Variants in CFTR observed in about 807,000 individuals in gnomAD.
CFTR encodes the protein CF transmembrane conductance regulator, also known as cystic fibrosis transmembrane conductance regulator.
Under a neutral mutation model 171.6 loss-of-function variants are expected in CFTR, and 181 were observed. That is an observed-to-expected ratio of 1.05 (90% CI 0.93 to 1.19). The LOEUF is 1.19. CFTR is among the 50% of genes most tolerant of loss of function. The pLI is 0.00. For missense variants in CFTR, 1,968 were observed against 1,734.7 expected (o/e 1.13, Z -2.39); for synonymous variants, 583 against 608.0 (o/e 0.96, Z 0.60).
chr7:117,577,872 A>T (rs1791794397), intron 11 of CFTR, among the ~76,000 whole-genome samples: 1 of 152,134 alleles, frequency 6.6e-6, no homozygotes, highest in African/African-American at 2.4e-5. Context: ...CATGTGTTTT[A>T]CTTTTTTGAT....
chr7:117,506,303 A>G (rs567704360), intron 2 of CFTR, among the ~76,000 whole-genome samples: 1 of 152,108 alleles, frequency 6.6e-6, no homozygotes, highest in African/African-American at 2.4e-5. Context: ...CTGGAGTGTA[A>G]TGGTGCAATT....
intron 3 of CFTR, among the ~76,000 whole-genome samples, chr7:117,519,301 G>T (rs1798649206): frequency 6.6e-6 from 1 of 151,908 alleles, no homozygotes; most frequent in Non-Finnish European, 1.5e-5. Flanking sequence ...GATGAATATG[G>T]AAAAATTCAT....
Position 117,652,839 on chromosome 7 carries a change from T to C in CFTR, c.3874-3T>C. 7.2e-7 allele frequency: 1 copy of C among 1,382,488 alleles called. No homozygotes were observed. Among genetic ancestry groups the C allele is most frequent in the Non-Finnish European group, 1.0e-6 (1 of 971,982 alleles). 85.6% of individuals were successfully genotyped at this position (1,382,488 alleles called of 1,614,324 possible). On this transcript the variant is annotated splice_polypyrimidine_tract_variant and splice_region_variant and intron_variant, in intron 23 of 26. Coordinates refer to ENST00000003084, the MANE Select transcript of CFTR (RefSeq NM_000492.4). ...TTTCTTCTTCTTTTCTTTTTTGCTA[T>C]AGAAAGTATTTATTTTTTCTGGAAC...
At chr7:117,507,822 C>T (rs1276592380) in intron 2 of CFTR, among the ~76,000 whole-genome samples, 2 of 152,160 alleles carry the variant, frequency 1.3e-5, no homozygotes, top group Non-Finnish European at 2.9e-5. Context: ...GACAGAGTCT[C>T]GCTGTGTCAC....
intron 23 of CFTR, among the ~76,000 whole-genome samples, chr7:117,648,002 G>A (rs1178603384): frequency 6.8e-6 from 1 of 147,770 alleles, no homozygotes; most frequent in East Asian, 2.0e-4. Flanking sequence ...ACTATACACG[G>A]AGTGTGTGTG....
At chr7:117,516,563 T>C (rs1361194214) in intron 3 of CFTR, among the ~76,000 whole-genome samples, 1 of 152,202 alleles carries the variant, frequency 6.6e-6, no homozygotes, top group Non-Finnish European at 1.5e-5. Flanking sequence ...GGTTGTGTTA[T>C]AACAGTTTGT....
intron 14 of CFTR, among the ~76,000 whole-genome samples, chr7:117,592,979 G>A (rs1455445914): frequency 4.6e-5 from 7 of 152,162 alleles, no homozygotes; most frequent in African/African-American, 1.7e-4. Flanking sequence ...GTGGGAAGAG[G>A]TGCAGTATAA....
At chr7:117,644,690 C>G (rs1208864134) in intron 23 of CFTR, among the ~76,000 whole-genome samples, 3 of 152,128 alleles carry the variant, frequency 2.0e-5, no homozygotes, top group African/African-American at 7.2e-5. Flanking sequence ...TTTGGCAGGT[C>G]CTTGCAGGTG....
In CFTR at chr7:117,547,282, T is replaced by A; in HGVS notation, c.1210-1359T>A. On this transcript the variant is annotated intron_variant, in intron 9 of 26. Coordinates refer to ENST00000003084, the MANE Select transcript of CFTR (RefSeq NM_000492.4). ...AATTTTTCAACATAGTTTTAAGTGG[T>A]GGCAAATGATGTAGTTTCTTGTGTA... is the stretch of plus-strand genomic sequence containing the variant. Among the ~76,000 whole-genome samples, 3 of 152,288 alleles carry A rather than the reference T, an allele frequency of 2.0e-5. 1 individual carries two copies. The South Asian group carries it at 6.2e-4, about 32-fold the overall frequency.
intron 24 of CFTR, among the ~76,000 whole-genome samples, chr7:117,659,271 A>G (rs1793227841): frequency 6.6e-6 from 1 of 151,040 alleles, no homozygotes; most frequent in Admixed American, 6.6e-5. Flanking sequence ...CTATAACTCC[A>G]CCCCTTTCAT....
Position 117,548,650 on chromosome 7 carries a change from G to A in CFTR, c.1219G>A (p.Glu407Lys), listed in dbSNP as rs766063304. ...VTAFWEEGFG[E>K]LFEKAKQNNN... is the part of the protein sequence containing the mutation. ...TGTGTTTTTTTAACAGGGATTTGGG[G>A]AATTATTTGAGAAAGCAAAACAAAA... Residue 407 changes from glutamate (E) to lysine (K), a missense_variant, in exon 10 of 27, where the codon GAA becomes AAA. Transcript: ENST00000003084. 17 of 1,612,450 alleles carry A rather than the reference G, an allele frequency of 1.1e-5. No individual in the cohort carries two copies. In the East Asian group the frequency reaches 3.8e-4, roughly 36 times the overall value.
chr7:117,637,661 G>A (rs1299333137), intron 22 of CFTR, among the ~76,000 whole-genome samples: 1 of 152,128 alleles, frequency 6.6e-6, no homozygotes, highest in Non-Finnish European at 1.5e-5. Flanking sequence ...TGGATCACCT[G>A]AGGTCAGGAG....
chr7:117,545,338 G>T (rs1799122430), intron 9 of CFTR, among the ~76,000 whole-genome samples: 1 of 152,228 alleles, frequency 6.6e-6, no homozygotes, highest in Admixed American at 6.5e-5. Context: ...TTTGGGTGAG[G>T]ACATAGCCAA....
chr7:117,644,181 T>C (rs1299405628), intron 23 of CFTR, among the ~76,000 whole-genome samples: 2 of 152,112 alleles, frequency 1.3e-5, no homozygotes, highest in Non-Finnish European at 2.9e-5. Context: ...TTTTCATATA[T>C]GTGTTTATGA....
chr7:117,627,830 C>T, intron 22 of CFTR, 60 bp downstream of exon 22: 1 of 1,537,614 alleles, frequency 6.5e-7, no homozygotes. Flanking sequence ...TCCCAGTAGC[C>T]TGAAGCAATG....
intron 1 of CFTR, among the ~76,000 whole-genome samples, chr7:117,496,588 C>T (rs772637491): frequency 2.6e-5 from 4 of 152,104 alleles, no homozygotes; most frequent in Non-Finnish European, 4.4e-5. Flanking sequence ...ATAGATATTT[C>T]GATTGTTCCT....
intron 2 of CFTR, among the ~76,000 whole-genome samples, chr7:117,505,153 A>G (rs1798393912): frequency 6.6e-6 from 1 of 152,306 alleles, no homozygotes; most frequent in African/African-American, 2.4e-5. Context: ...TCTATTTTAC[A>G]GAAAAGCAAA....
At chr7:117,509,900 G>A (rs989413556) in intron 3 of CFTR, among the ~76,000 whole-genome samples, 1 of 152,094 alleles carries the variant, frequency 6.6e-6, no homozygotes, top group African/African-American at 2.4e-5. Flanking sequence ...GCTTTGGGGC[G>A]TTTACTTATC....
At chr7:117,660,838 A>G (rs1220491368) in intron 24 of CFTR, among the ~76,000 whole-genome samples, 1 of 152,114 alleles carries the variant, frequency 6.6e-6, no homozygotes, top group East Asian at 1.9e-4. Flanking sequence ...CTCTTTGAAC[A>G]GTAATTTTCC....
Sources: gnomAD v4.1 joint callset for allele counts (sites outside exome capture counted in the v4.1 genomes callset) on GRCh38, gnomAD v4.1.1 for gene constraint, MANE v1.5 for transcripts, NCBI Gene and HGNC (gene_info 2026-07-23, HGNC 2026-07-21) for gene names.